EYS: variants seen among roughly 807,000 people sequenced by gnomAD.
EYS encodes protein eyes shut homolog.
A neutral mutation model predicts 282.1 loss-of-function variants in EYS; 250 were observed. That is an observed-to-expected ratio of 0.89 (90% CI 0.80 to 0.98). EYS has a LOEUF of 0.98. Ranked by LOEUF, EYS falls within the 50% of genes least tolerant of loss-of-function variation. EYS has a pLI of 0.00. For missense variants in EYS, 4,016 were observed against 3,709.0 expected (o/e 1.08, Z -2.15); for synonymous variants, 1,355 against 1,282.9 (o/e 1.06, Z -1.20).
At chr6:63,808,194 G>A (rs772744553) in intron 36 of EYS, among the ~76,000 whole-genome samples, 2 of 152,176 alleles carry the variant, frequency 1.3e-5, no homozygotes, top group Non-Finnish European at 2.9e-5. Context: ...ACTGAAAGTT[G>A]AGGCCTGGTA....
intron 26 of EYS, among the ~76,000 whole-genome samples, chr6:64,440,869 A>G (rs912528500): frequency 2.0e-5 from 3 of 152,162 alleles, no homozygotes; most frequent in Non-Finnish European, 4.4e-5. Context: ...TAAAATATGT[A>G]TTATTTAAAA....
At chr6:64,604,981 C>G (rs1488296391) in intron 24 of EYS, among the ~76,000 whole-genome samples, 1 of 152,004 alleles carries the variant, frequency 6.6e-6, no homozygotes, top group Non-Finnish European at 1.5e-5. Flanking sequence ...CCAGAGTTAT[C>G]TTTCAAAATA....
rs376959401 is a variant in EYS, at chr6:64,806,458, G to T, written c.3443+6920C>A. Among the ~76,000 whole-genome samples the T allele has an allele frequency of 7.2e-5, 11 of 151,826 alleles. No homozygotes were observed. The East Asian group carries it at 1.6e-3, about 21-fold the overall frequency. ...AATATTTTTTTTAACAATATTATAGGATATCGTGGTCCCTAAGAATATATA... is the reference window on the plus strand; with the variant it reads ...AATATTTTTTTTAACAATATTATAGTATATCGTGGTCCCTAAGAATATATA... On this transcript the variant is annotated intron_variant, in intron 22 of 42. Coordinates refer to ENST00000503581, the MANE Select transcript of EYS (RefSeq NM_001142800.2).
At chr6:64,331,195 G>T (rs1770634168) in intron 29 of EYS, among the ~76,000 whole-genome samples, 1 of 152,048 alleles carries the variant, frequency 6.6e-6, no homozygotes, top group South Asian at 2.1e-4. Flanking sequence ...ACTGACTCAA[G>T]GTATGTTTTT....
At chr6:63,923,187 A>C (rs999866019) in intron 35 of EYS, among the ~76,000 whole-genome samples, 1 of 152,188 alleles carries the variant, frequency 6.6e-6, no homozygotes, top group Non-Finnish European at 1.5e-5. Flanking sequence ...TTATTTTTTT[A>C]GTGTGTTAAT....
chr6:65,219,066 A>G (rs1766391789), intron 12 of EYS, among the ~76,000 whole-genome samples: 1 of 152,150 alleles, frequency 6.6e-6, no homozygotes, highest in Non-Finnish European at 1.5e-5. Context: ...ATTTACATAG[A>G]AGATATATCT....
chr6:64,089,830 T>C (rs1362332845), intron 31 of EYS, among the ~76,000 whole-genome samples: 1 of 152,096 alleles, frequency 6.6e-6, no homozygotes, highest in Non-Finnish European at 1.5e-5. Flanking sequence ...CTCCTTTTGA[T>C]TGTACCTACT....
At chr6:64,746,447 T>C (rs1772558084) in intron 22 of EYS, among the ~76,000 whole-genome samples, 1 of 152,108 alleles carries the variant, frequency 6.6e-6, no homozygotes, top group African/African-American at 2.4e-5. Context: ...CATGAGCCAA[T>C]ACATATATGT....
At chr6:65,302,547 AT>A (rs541700729) in intron 11 of EYS, 76 of 941,688 alleles carry the variant, frequency 8.1e-5, no homozygotes, top group Non-Finnish European at 9.9e-5. Context: ...GAAGACTGCT[AT>A]TTTTTTTTCT....
chr6:64,224,205 ATCT>A (rs1030003290), intron 31 of EYS, among the ~76,000 whole-genome samples: 9 of 152,072 alleles, frequency 5.9e-5, no homozygotes, highest in African/African-American at 2.2e-4. Context: ...GAACACAAAG[ATCT>A]TCTATGCTTC....
At chr6:65,532,538 T>C (rs1767812223) in intron 2 of EYS, among the ~76,000 whole-genome samples, 1 of 152,170 alleles carries the variant, frequency 6.6e-6, no homozygotes. Flanking sequence ...AGCAATGTAA[T>C]ATCACATTTG....
At chr6:65,151,380 C>T (rs80186676) in intron 12 of EYS, among the ~76,000 whole-genome samples, 6,487 of 151,838 alleles carry the variant, frequency 0.043, 198 homozygotes, top group Middle Eastern at 0.065. Flanking sequence ...TGGTATAATC[C>T]GAAGAAAGTT....
At chr6:64,414,435 A>C (rs1774001572) in intron 28 of EYS, among the ~76,000 whole-genome samples, 1 of 152,094 alleles carries the variant, frequency 6.6e-6, no homozygotes, top group Non-Finnish European at 1.5e-5. Context: ...TCAAAAACCT[A>C]ATATATACTA....
intron 15 of EYS, among the ~76,000 whole-genome samples, chr6:64,925,259 T>G (rs1768478451): frequency 6.6e-6 from 1 of 152,116 alleles, no homozygotes. Flanking sequence ...ACAAGAATAG[T>G]GCGGGAAAGA....
intron 12 of EYS, among the ~76,000 whole-genome samples, chr6:65,281,818 C>A (rs1768227367): frequency 6.6e-6 from 1 of 152,052 alleles, no homozygotes; most frequent in South Asian, 2.1e-4. Context: ...AGGAAAACTC[C>A]ATTTCTAGAT....
intron 31 of EYS, among the ~76,000 whole-genome samples, chr6:64,220,632 A>G (rs1766072236): frequency 6.6e-6 from 1 of 152,174 alleles, no homozygotes; most frequent in African/African-American, 2.4e-5. Context: ...AGGACATGGT[A>G]GGAAAAATGA....
chr6:65,646,394 C>T (rs142865012), intron 1 of EYS, among the ~76,000 whole-genome samples: 39 of 152,010 alleles, frequency 2.6e-4, no homozygotes, highest in Admixed American at 3.9e-4. Context: ...AAATGTGATA[C>T]CCAACATAAA....
At chr6:65,528,895 C>A (rs1767664352) in intron 2 of EYS, among the ~76,000 whole-genome samples, 1 of 152,220 alleles carries the variant, frequency 6.6e-6, no homozygotes, top group South Asian at 2.1e-4. Flanking sequence ...TTCTAGGTTT[C>A]TTTTCTTGGC....
intron 35 of EYS, among the ~76,000 whole-genome samples, chr6:63,908,353 C>T (rs1248633696): frequency 1.3e-5 from 2 of 152,008 alleles, no homozygotes; most frequent in East Asian, 1.9e-4. Flanking sequence ...TACTTATACA[C>T]TTTTGGTAAA....
Sources: allele counts gnomAD v4.1 joint callset (sites outside exome capture counted in the v4.1 genomes callset), GRCh38; gene constraint gnomAD v4.1.1; transcripts MANE v1.5; gene names NCBI Gene and HGNC (gene_info 2026-07-23, HGNC 2026-07-21).